The following RFXAP variants were observed in gnomAD, a reference collection of about 807,000 sequenced individuals.
RFXAP encodes regulatory factor X-associated protein.
A neutral mutation model predicts 25.7 loss-of-function variants in RFXAP; 21 were observed. The observed-to-expected ratio is 0.82, with a 90% CI of 0.58 to 1.18. The LOEUF (loss-of-function observed/expected upper bound fraction) is 1.18. RFXAP is among the 50% of genes most tolerant of loss of function. The pLI, the probability that RFXAP is intolerant of heterozygous loss-of-function variation, is 0.00. For missense variants in RFXAP, 333 were observed against 363.0 expected (o/e 0.92, Z 0.67); for synonymous variants, 161 against 152.2 (o/e 1.06, Z -0.43).
Position 36,819,676 on chromosome 13 carries a change from A to C in RFXAP, c.319A>C (p.Ser107Arg). Residue 107 changes from serine (S) to arginine (R), a missense_variant, in exon 1 of 3, where the codon AGT becomes CGT. Ser to Arg is a moderately radical substitution (Grantham distance 110, BLOSUM62 -1). Transcript: ENST00000255476. ...TCCGGGGGGAGGCGAGAGCGCGGCT[A>C]GTTTGGAGGATCTAGAGGACGAGGA... ...DPPGGGESAA[S>R]LEDLEDEETH... The C allele has an allele frequency of 6.5e-7, 1 of 1,549,054 alleles. No homozygotes were observed. The highest frequency in any genetic ancestry group is 8.7e-7 in the Non-Finnish European group (1 of 1,145,646).
chr13:36,819,251 G>C lies in RFXAP; in HGVS notation c.-107G>C. 8.9e-7 allele frequency: 1 copy of C among 1,122,332 alleles called. No homozygotes were observed. The highest frequency in any genetic ancestry group is 1.1e-6 in the Non-Finnish European group (1 of 894,876). 69.5% of individuals were successfully genotyped at this position (1,122,332 alleles called of 1,614,324 possible). ...GCAGTCGGGGCGCCTTCCCGGTATA[G>C]GCGCCTTTTACCCCAGCGTGTCCTG... On this transcript the variant is annotated 5_prime_UTR_variant, in exon 1 of 3. Transcript: ENST00000255476.
rs115423695 is a variant in RFXAP, at chr13:36,820,037, T to C, written c.600+80T>C. The C allele has an allele frequency of 9.5e-4, 1,482 of 1,561,974 alleles. 12 individuals are homozygous for C. The African/African-American group carries it at 0.018, about 19-fold the overall frequency. On this transcript the variant is annotated intron_variant, in intron 1 of 2. Transcript: ENST00000255476. The stretch of plus-strand genomic sequence containing the variant: ...TAACGCAAACCGCATCTGCAGGGCC[T>C]GCCTCCCCACTTCCAAATGGGCCGG...
intron 1 of RFXAP, among the ~76,000 whole-genome samples, chr13:36,823,966 A>C (rs537454229): frequency 1.3e-5 from 2 of 152,316 alleles, no homozygotes; most frequent in East Asian, 1.9e-4. Flanking sequence ...AAAGCTACCT[A>C]ACATTCTACC....
intron 1 of RFXAP, 105 bp from the exon 2 acceptor site, chr13:36,825,323 G>T: frequency 1.2e-6 from 1 of 858,906 alleles, no homozygotes; most frequent in South Asian, 1.4e-5. Flanking sequence ...TGGGCAAGAA[G>T]AAGGAAGAAA....
In RFXAP at chr13:36,819,648, C is replaced by T. The variant is rs1202405182; in HGVS notation, c.291C>T (p.Asp97=). ...EDEADLLDTS[D]PPGGGESAAS... is the part of the protein sequence containing the mutation. The stretch of plus-strand genomic sequence containing the variant: ...AGGCGGACCTGTTAGACACTTCGGA[C>T]CCTCCGGGGGGAGGCGAGAGCGCGG... Residue 97 remains aspartate (D), a synonymous_variant, in exon 1 of 3, where the codon GAC becomes GAT. Transcript: ENST00000255476. 2.6e-6 allele frequency: 4 copies of T among 1,547,994 alleles called. No individual in the cohort carries two copies. In the South Asian group the frequency reaches 3.6e-5, roughly 14 times the overall value.
In RFXAP at chr13:36,819,650, C is replaced by T. The variant is rs1306985337; in HGVS notation, c.293C>T (p.Pro98Leu). The T allele has an allele frequency of 1.3e-5, 20 of 1,548,674 alleles. No homozygotes were observed. The highest frequency in any genetic ancestry group is 1.6e-5 in the Non-Finnish European group (18 of 1,144,998). ...DEADLLDTSD[P>L]PGGGESAASL... ...GCGGACCTGTTAGACACTTCGGACC[C>T]TCCGGGGGGAGGCGAGAGCGCGGCT... The change falls in exon 1 of 3, where the codon CCT (proline) becomes CTT (leucine). Residue 98 changes from proline (P) to leucine (L), a missense_variant. By Grantham distance (98) the Pro-to-Leu change is moderately conservative (BLOSUM62 -3). Transcript: ENST00000255476.
chr13:36,822,430 T>C (rs2057966012), intron 1 of RFXAP, among the ~76,000 whole-genome samples: 1 of 148,032 alleles, frequency 6.8e-6, no homozygotes, highest in Non-Finnish European at 1.5e-5. Context: ...GCTGCTTACT[T>C]TTTTTTTTTT....
At chr13:36,820,443 T>C (rs1242454500) in intron 1 of RFXAP, among the ~76,000 whole-genome samples, 1 of 152,196 alleles carries the variant, frequency 6.6e-6, no homozygotes, top group Non-Finnish European at 1.5e-5. Context: ...TTAACCCTCT[T>C]CCTAGTACCG....
chr13:36,825,130 C>G (rs1229842944), intron 1 of RFXAP, among the ~76,000 whole-genome samples: 1 of 152,084 alleles, frequency 6.6e-6, no homozygotes, highest in Non-Finnish European at 1.5e-5. Context: ...AGTGGCCCAC[C>G]TCTCACAGTA....
chr13:36,828,948 T>C lies in RFXAP; in HGVS notation c.*1195T>C, dbSNP rs2057986997. 6.6e-6 allele frequency: 1 copy of C among 152,370 alleles called. No homozygotes were observed. The highest frequency in any genetic ancestry group is 6.5e-5 in the Admixed American group (1 of 15,280). 9.4% of individuals were successfully genotyped at this position (152,370 alleles called of 1,614,324 possible). A position where few individuals can be genotyped will look rare whatever the true frequency, so the allele number is the denominator to read the frequency against. ...TTTGTTACTTGTTTTTTAAACTCTA[T>C]ATATAAAGTTCGACTTAATCATGGC... On this transcript the variant is annotated 3_prime_UTR_variant, in exon 3 of 3. Transcript: ENST00000255476.
chr13:36,823,668 T>A (rs1032726032), intron 1 of RFXAP, among the ~76,000 whole-genome samples: 3 of 152,122 alleles, frequency 2.0e-5, no homozygotes, highest in Non-Finnish European at 2.9e-5. Flanking sequence ...GGTAAAAAAA[T>A]TAAAGAAATT....
At chr13:36,825,294 C>A in intron 1 of RFXAP, 134 bp from the exon 2 acceptor site, 1 of 664,590 alleles carries the variant, frequency 1.5e-6, no homozygotes, top group Non-Finnish European at 2.7e-6. Flanking sequence ...GAAGAACTTT[C>A]CCAGAGTTGC....
At chr13:36,822,094 C>CA (rs1264285025) in intron 1 of RFXAP, among the ~76,000 whole-genome samples, 1 of 145,124 alleles carries the variant, frequency 6.9e-6, no homozygotes, top group African/African-American at 2.5e-5. Context: ...TTTTTTCTTT[C>CA]TTTTTTTTTT....
intron 1 of RFXAP, among the ~76,000 whole-genome samples, chr13:36,821,096 G>T (rs113624113): frequency 6.6e-6 from 1 of 151,714 alleles, no homozygotes; most frequent in African/African-American, 2.4e-5. Context: ...TGTATACCCA[G>T]CTGTACTTGG....
chr13:36,823,747 A>G (rs929103596), intron 1 of RFXAP, among the ~76,000 whole-genome samples: 3 of 152,170 alleles, frequency 2.0e-5, no homozygotes, highest in Admixed American at 6.5e-5. Flanking sequence ...TATAATGTCT[A>G]CTCCACCAAT....
intron 1 of RFXAP, 51 bp from the exon 2 acceptor site, chr13:36,825,377 G>T: frequency 7.8e-7 from 1 of 1,280,742 alleles, no homozygotes; most frequent in South Asian, 1.2e-5. Context: ...CTGTAATCAT[G>T]ACTTATTACG....
chr13:36,827,616 T>C (rs2057982344), intron 2 of RFXAP, 27 bp from the exon 3 acceptor site: 1 of 1,489,320 alleles, frequency 6.7e-7, no homozygotes, highest in African/African-American at 1.4e-5. Context: ...TTAATGCTAT[T>C]AATAATTTTT....
Position 36,827,690 on chromosome 13 carries a change from A to G in RFXAP, c.756A>G (p.Gln252=), listed in dbSNP as rs141918438. ...TAGTGCAATTTTTACAGAAACAGCA[A>G]CAGCTATTAAATCAGCAAGTTTTGG... The part of the protein sequence containing the change: ...PEVVQFLQKQ[Q]QLLNQQVLEQ... The change falls in exon 3 of 3, where the codon CAA becomes CAG. Residue 252 remains glutamine, a synonymous_variant. Coordinates refer to ENST00000255476, the MANE Select transcript of RFXAP (RefSeq NM_000538.4). 6.8e-4 allele frequency: 1,100 copies of G among 1,613,878 alleles called. 25 individuals are homozygous for G. In the East Asian group the frequency reaches 0.02, roughly 30 times the overall value.
Position 36,827,857 on chromosome 13 carries a change from A to G in RFXAP, c.*104A>G, listed in dbSNP as rs1439550144. 2 of 875,052 alleles carry G rather than the reference A, an allele frequency of 2.3e-6. No homozygotes were observed. The highest frequency in any genetic ancestry group is 2.6e-5 in the East Asian group (1 of 38,144). The allele number at this position is 875,052 out of a possible 1,614,324, so 54.2% of individuals were successfully genotyped here. On this transcript the variant is annotated 3_prime_UTR_variant, in exon 3 of 3. Coordinates refer to ENST00000255476, the MANE Select transcript of RFXAP (RefSeq NM_000538.4). ...GGGTAATAATCTATGCCTGTAGAAC[A>G]TAAACATTTTCCTGTAAATGTATGT...
Sources: allele counts gnomAD v4.1 joint callset (sites outside exome capture counted in the v4.1 genomes callset), GRCh38; gene constraint gnomAD v4.1.1; transcripts MANE v1.5; gene names NCBI Gene and HGNC (gene_info 2026-07-23, HGNC 2026-07-21).